ZFP91: variants seen among roughly 807,000 people sequenced by gnomAD.
The protein encoded by ZFP91 is ZFP91 zinc finger protein, atypical E3 ubiquitin ligase.
In ZFP91, 7 loss-of-function variants were observed where a neutral mutation model predicts 63.5. The observed-to-expected ratio is 0.11, with a 90% confidence interval of 0.06 to 0.21. The LOEUF (loss-of-function observed/expected upper bound fraction) is 0.21. Ranked by LOEUF, ZFP91 falls within the 10% of genes least tolerant of loss-of-function variation. The pLI, the probability that ZFP91 is intolerant of heterozygous loss-of-function variation, is 1.00. For missense variants in ZFP91, 628 were observed against 736.6 expected, an observed-to-expected ratio of 0.85 and a Z score of 1.71; for synonymous variants, 330 against 272.1, an observed-to-expected ratio of 1.21 and a Z score of -2.10.
chr11:58,584,917 A>G, intron 2 of ZFP91, 33 bp downstream of exon 2: 1 of 1,432,392 alleles, frequency 7.0e-7, no homozygotes, highest in Non-Finnish European at 9.2e-7. Context: ...TCTAGCGTAC[A>G]TTACACTGAT....
At chr11:58,604,110 T>C (rs1855533638) in intron 2 of ZFP91, among the ~76,000 whole-genome samples, 1 of 152,234 alleles carries the variant, frequency 6.6e-6, no homozygotes, top group Non-Finnish European at 1.5e-5. Flanking sequence ...TACAGACTAC[T>C]ACGGGTTGAA....
rs956997490 is a variant in ZFP91 at position 58,614,124 on chromosome 11, T to C, written c.988-105T>C. 10 of 614,380 alleles carry C rather than the reference T, an allele frequency of 1.6e-5. No individual in the cohort carries two copies. The Admixed American group carries it at 2.2e-4, about 14-fold the overall frequency. 38.1% of individuals were successfully genotyped at this position (614,380 alleles called of 1,614,324 possible). On this transcript the variant is annotated intron_variant, in intron 8 of 10. Coordinates refer to ENST00000316059, the MANE Select transcript of ZFP91 (RefSeq NM_053023.5). ...ACTCCCTCACTATCCATGTGTGAAA[T>C]CTAAGTATTTGGTTTTCCTTCAGTA... is the stretch of plus-strand genomic sequence containing the variant.
At chr11:58,598,096 T>G (rs1855432903) in intron 2 of ZFP91, among the ~76,000 whole-genome samples, 1 of 152,186 alleles carries the variant, frequency 6.6e-6, no homozygotes, top group Non-Finnish European at 1.5e-5. Flanking sequence ...CAACAGGAGA[T>G]AGCTATGAAA....
intron 8 of ZFP91, among the ~76,000 whole-genome samples, chr11:58,613,787 A>G (rs1565025397): frequency 1.3e-5 from 2 of 152,156 alleles, no homozygotes; most frequent in African/African-American, 4.8e-5. Context: ...AATACTGCTT[A>G]GGAAATACCT....
chr11:58,579,355 C>T lies in ZFP91; in HGVS notation c.74C>T (p.Ala25Val). 1 of 1,493,952 alleles carries T rather than the reference C, an allele frequency of 6.7e-7. No individual in the cohort carries two copies. Among genetic ancestry groups the T allele is most frequent in the Middle Eastern group, 2.3e-4 (1 of 4,332 alleles). 92.5% of individuals were successfully genotyped at this position (1,493,952 alleles called of 1,614,324 possible). A position where few individuals can be genotyped will look rare whatever the true frequency, so the allele number is the denominator to read the frequency against. The change falls in exon 1 of 11, where the codon GCT (alanine) becomes GTT (valine). Residue 25 changes from alanine (A) to valine (V), a missense_variant. Ala to Val is a moderately conservative substitution (Grantham distance 64). Around this residue, in one of 3 missense-constraint regions of ZFP91, gnomAD observed 437 missense variants for 380.3 expected, o/e 1.15. Transcript: ENST00000316059. ...DQEGGEAAKA[A>V]PEEPQQRPPE... ...GAAGGGGGAGAGGCGGCCAAGGCGG[C>T]TCCGGAGGAGCCCCAACAACGGCCC...
At chr11:58,583,486 A>T (rs935006590) in intron 1 of ZFP91, among the ~76,000 whole-genome samples, 2 of 151,976 alleles carry the variant, frequency 1.3e-5, no homozygotes, top group Non-Finnish European at 2.9e-5. Context: ...AGTGAGGATG[A>T]AGAGGTGGTA....
At chr11:58,596,656 A>C (rs1474906080) in intron 2 of ZFP91, among the ~76,000 whole-genome samples, 1 of 150,704 alleles carries the variant, frequency 6.6e-6, no homozygotes, top group Non-Finnish European at 1.5e-5. Flanking sequence ...GAATTTATCC[A>C]AGATGCTTAT....
chr11:58,606,121 G>A (rs1014298856), intron 2 of ZFP91, among the ~76,000 whole-genome samples: 3 of 152,074 alleles, frequency 2.0e-5, no homozygotes, highest in Admixed American at 6.5e-5. Context: ...GAGTGCAATG[G>A]TGTTATCTCG....
intron 1 of ZFP91, 122 bp downstream of exon 1, chr11:58,579,744 C>G (rs372475133): frequency 1.1e-6 from 1 of 927,380 alleles, no homozygotes; most frequent in African/African-American, 1.8e-5. Flanking sequence ...CGGCTCCGCA[C>G]GCCAGATGTC....
intron 6 of ZFP91, 145 bp from the exon 7 acceptor site, chr11:58,612,133 C>G: frequency 1.3e-6 from 1 of 779,122 alleles, no homozygotes; most frequent in Non-Finnish European, 2.0e-6. Context: ...CTTGATTTGC[C>G]AGATATATCT....
chr11:58,593,312 C>T (rs919286562), intron 2 of ZFP91, among the ~76,000 whole-genome samples: 2 of 152,214 alleles, frequency 1.3e-5, no homozygotes, highest in Non-Finnish European at 2.9e-5. Context: ...GATGAAACTG[C>T]ATGGGTCCCC....
At position 58,619,416 on chromosome 11, in the gene ZFP91, G is replaced by C. The variant is rs1158195151; in HGVS notation, c.*1710G>C. The C allele has an allele frequency of 6.6e-6, 1 of 152,046 alleles. No homozygotes were observed. Among genetic ancestry groups the C allele is most frequent in the African/African-American group, 2.4e-5 (1 of 41,332 alleles). 9.4% of individuals were successfully genotyped at this position (152,046 alleles called of 1,614,324 possible). On this transcript the variant is annotated 3_prime_UTR_variant, in exon 11 of 11. Transcript: ENST00000316059. ...TGTGCCTCAGAAGCTAGAATCGAAG[G>C]CTTACCCTATTCATTGTTTATTGTC...
At position 58,617,178 on chromosome 11, in the gene ZFP91, C is replaced by A; in HGVS notation, c.1203-18C>A. 1.3e-6 allele frequency: 2 copies of A among 1,548,488 alleles called. No homozygotes were observed. Among genetic ancestry groups the A allele is most frequent in the Non-Finnish European group, 1.7e-6 (2 of 1,151,886 alleles). ...ATTTCTCTGTTGGATCAGCCATTTCCTTTTCTCCTCTCCTTAGATGTGAGA... is the reference window on the plus strand; with the variant it reads ...ATTTCTCTGTTGGATCAGCCATTTCATTTTCTCCTCTCCTTAGATGTGAGA... On this transcript the variant is annotated intron_variant, in intron 10 of 10. Coordinates refer to ENST00000316059, the MANE Select transcript of ZFP91 (RefSeq NM_053023.5). The surrounding 1 kb of genome is among the most constrained non-coding windows in gnomAD (Gnocchi z 4.2).
chr11:58,579,207 G>T lies in ZFP91; in HGVS notation c.-75G>T, dbSNP rs1403755316. On this transcript the variant is annotated 5_prime_UTR_variant, in exon 1 of 11. Coordinates refer to ENST00000316059, the MANE Select transcript of ZFP91 (RefSeq NM_053023.5). ...CGCAGGCTTCGGGAGGCGAGGGGGC[G>T]GGGGGAGCAGCGCCGAGGCCGCCGC... 2 of 1,235,620 alleles carry T rather than the reference G, an allele frequency of 1.6e-6. No individual in the cohort carries two copies. The highest frequency in any genetic ancestry group is 1.8e-5 in the South Asian group (1 of 54,270). The allele number at this position is 1,235,620 out of a possible 1,614,324, so 76.5% of individuals were successfully genotyped here.
chr11:58,596,729 A>G (rs987961813), intron 2 of ZFP91, among the ~76,000 whole-genome samples: 2 of 150,778 alleles, frequency 1.3e-5, no homozygotes, highest in African/African-American at 4.9e-5. Flanking sequence ...CATATTCACA[A>G]TCTCTTTCAT....
intron 2 of ZFP91, among the ~76,000 whole-genome samples, chr11:58,593,766 G>A (rs1251297949): frequency 2.6e-5 from 4 of 152,138 alleles, no homozygotes; most frequent in Non-Finnish European, 5.9e-5. Flanking sequence ...ATTCTCTCTA[G>A]TGTCTCTTCA....
At chr11:58,589,972 C>T (rs545845623) in intron 2 of ZFP91, among the ~76,000 whole-genome samples, 1 of 152,312 alleles carries the variant, frequency 6.6e-6, no homozygotes, top group African/African-American at 2.4e-5. Context: ...TACAGCTCAA[C>T]TTATTGCCAT....
intron 1 of ZFP91, among the ~76,000 whole-genome samples, chr11:58,584,274 ACTT>A (rs1222933206): frequency 6.6e-6 from 1 of 152,042 alleles, no homozygotes; most frequent in African/African-American, 2.4e-5. Flanking sequence ...TCTTTTTAAC[ACTT>A]CATTGAGTTT....
chr11:58,609,957 G>C lies in ZFP91; in HGVS notation c.498G>C (p.Glu166Asp). Residue 166 changes from glutamate to aspartate, a missense_variant, in exon 3 of 11, where the codon GAG becomes GAC. Coordinates refer to ENST00000316059, the MANE Select transcript of ZFP91 (RefSeq NM_053023.5). ...RTSVSRHRDT[E>D]NTRSSRSKTG... ...CTGTTTCTCGCCATCGTGATACAGA[G>C]AACACCCGAAGCTCTCGGTCCAAGA... The C allele has an allele frequency of 1.9e-6, 3 of 1,614,204 alleles. No homozygotes were observed. The highest frequency in any genetic ancestry group is 2.5e-6 in the Non-Finnish European group (3 of 1,180,032).
Sources: allele counts gnomAD v4.1 joint callset (sites outside exome capture counted in the v4.1 genomes callset), GRCh38; gene constraint gnomAD v4.1.1; regional missense constraint gnomAD v4.1.1; non-coding constraint Gnocchi (gnomAD v3.1); transcripts MANE v1.5; gene names NCBI Gene and HGNC (gene_info 2026-07-23, HGNC 2026-07-21).